Variants in EFCAB5 observed in about 807,000 individuals in gnomAD.
EFCAB5 encodes EF-hand calcium-binding domain-containing protein 5.
EFCAB5 carries 131 observed loss-of-function variants against 167.9 expected under a neutral mutation model. That is an observed-to-expected ratio of 0.78 (90% CI 0.68 to 0.90). The LOEUF is 0.90. EFCAB5 is among the 40% of genes least tolerant of loss of function. The probability of loss-of-function intolerance (pLI) is 0.00; values close to 1 mark genes in which losing one functional copy is unlikely to be tolerated. For synonymous variants in EFCAB5, 574 were observed against 602.8 expected, an observed-to-expected ratio of 0.95 and a Z score of 0.70; for missense variants, 1,663 against 1,745.2, an observed-to-expected ratio of 0.95 and a Z score of 0.84.
intron 18 of EFCAB5, among the ~76,000 whole-genome samples, chr17:30,083,516 G>A (rs1597549792): frequency 1.3e-5 from 2 of 152,198 alleles, no homozygotes; most frequent in Non-Finnish European, 2.9e-5. Context: ...GTGCAATAGC[G>A]CAATCTCAGC....
chr17:29,939,628 T>C (rs1202905883), upstream of EFCAB5, among the ~76,000 whole-genome samples: 2 of 152,228 alleles, frequency 1.3e-5, no homozygotes, highest in Non-Finnish European at 2.9e-5. Flanking sequence ...CACTTGCAGC[T>C]TCACCTTGCA....
intron 4 of EFCAB5, among the ~76,000 whole-genome samples, chr17:29,988,106 A>C (rs57833659): frequency 0.015 from 2,336 of 152,316 alleles, 63 homozygotes; most frequent in African/African-American, 0.052. Context: ...CCAAAGGCTC[A>C]ATTTAACATG....
intron 14 of EFCAB5, among the ~76,000 whole-genome samples, chr17:30,068,285 G>C (rs951212037): frequency 2.7e-5 from 4 of 150,780 alleles, no homozygotes; most frequent in Non-Finnish European, 5.9e-5. Context: ...CTGGGCAACA[G>C]AGTGAGACTC....
At chr17:30,080,378 G>A in intron 16 of EFCAB5, 137 bp downstream of exon 16, 1 of 879,768 alleles carries the variant, frequency 1.1e-6, no homozygotes, top group South Asian at 2.2e-5. Flanking sequence ...AGTAGAAGCT[G>A]ATGGCTTCCA....
intron 14 of EFCAB5, chr17:30,073,738 T>C (rs1302270039): frequency 5.7e-6 from 4 of 704,950 alleles, no homozygotes; most frequent in East Asian, 2.7e-5. Context: ...TTTTGACAAA[T>C]ACATGCCCTA....
chr17:30,051,785 C>T (rs2070105285), intron 9 of EFCAB5, among the ~76,000 whole-genome samples: 2 of 152,092 alleles, frequency 1.3e-5, no homozygotes, highest in African/African-American at 4.8e-5. Flanking sequence ...TCTCAAATGC[C>T]TGGGTGCTGG....
intron 3 of EFCAB5, among the ~76,000 whole-genome samples, chr17:29,947,790 C>T (rs544278691): frequency 2.0e-4 from 31 of 152,126 alleles, no homozygotes; most frequent in African/African-American, 5.3e-4. Context: ...TTACCTTAAT[C>T]GCTTGGGCCA....
chr17:30,035,190 G>T (rs995232299), intron 8 of EFCAB5, among the ~76,000 whole-genome samples: 4 of 152,084 alleles, frequency 2.6e-5, no homozygotes, highest in Non-Finnish European at 1.5e-5. Context: ...AATCCTTATT[G>T]AATATTGCTT....
intron 22 of EFCAB5, among the ~76,000 whole-genome samples, chr17:30,105,285 G>A (rs2071434290): frequency 6.6e-6 from 1 of 151,998 alleles, no homozygotes; most frequent in South Asian, 2.1e-4. Flanking sequence ...TCACGAGTTC[G>A]AGACCAGCCT....
At chr17:30,087,456 C>A (rs1389108973) in intron 19 of EFCAB5, among the ~76,000 whole-genome samples, 6 of 152,144 alleles carry the variant, frequency 3.9e-5, no homozygotes, top group Non-Finnish European at 1.5e-5. Context: ...TACCCTCGCC[C>A]CCTTGACAGG....
At chr17:30,042,190 A>G (rs762051606) in intron 8 of EFCAB5, among the ~76,000 whole-genome samples, 9 of 151,776 alleles carry the variant, frequency 5.9e-5, no homozygotes, top group African/African-American at 2.2e-4. Context: ...TGTATTTTTA[A>G]TAGAGACGGG....
chr17:30,095,294 C>T (rs543833203), intron 22 of EFCAB5, among the ~76,000 whole-genome samples: 42 of 152,214 alleles, frequency 2.8e-4, no homozygotes, highest in African/African-American at 1.0e-3. Flanking sequence ...GGAGTGCCCC[C>T]GGCCCTCCAC....
chr17:29,933,032 A>G (rs1467609842), intron 1 of EFCAB5, among the ~76,000 whole-genome samples: 2 of 152,196 alleles, frequency 1.3e-5, no homozygotes, highest in African/African-American at 4.8e-5. Flanking sequence ...AATTGAGAAA[A>G]TATTTATTGA....
intron 4 of EFCAB5, among the ~76,000 whole-genome samples, chr17:29,984,392 G>A (rs1221482775): frequency 6.6e-6 from 1 of 151,832 alleles, no homozygotes; most frequent in Non-Finnish European, 1.5e-5. Context: ...TGGTTGGTTA[G>A]CAATTGCATC....
chr17:29,945,118 T>G (rs2067372503), intron 3 of EFCAB5, among the ~76,000 whole-genome samples: 2 of 152,166 alleles, frequency 1.3e-5, no homozygotes, highest in Admixed American at 6.5e-5. Context: ...CTCCAAATAC[T>G]TAGTGAAATC....
At chr17:29,960,347 G>C (rs1410300392) in intron 3 of EFCAB5, among the ~76,000 whole-genome samples, 1 of 152,166 alleles carries the variant, frequency 6.6e-6, no homozygotes, top group Non-Finnish European at 1.5e-5. Flanking sequence ...TGTGGATAGT[G>C]GTTCAATGTG....
upstream of EFCAB5, among the ~76,000 whole-genome samples, chr17:29,938,996 C>T (rs1213621824): frequency 6.6e-6 from 1 of 152,074 alleles, no homozygotes; most frequent in African/African-American, 2.4e-5. Context: ...TTTACTTTGC[C>T]CAAATCCATC....
chr17:29,998,924 C>T (rs897979380), intron 6 of EFCAB5, among the ~76,000 whole-genome samples: 25 of 152,114 alleles, frequency 1.6e-4, no homozygotes, highest in African/African-American at 5.3e-4. Flanking sequence ...TTTGAACTAA[C>T]GGTCACATTC....
chr17:29,948,874 T>A (rs116989906), intron 3 of EFCAB5, among the ~76,000 whole-genome samples: 1,556 of 152,330 alleles, frequency 0.01, 10 homozygotes, highest in Non-Finnish European at 0.016. Context: ...TGCCTTTTCC[T>A]TTATCTATTG....
Sources: gnomAD v4.1 joint callset for allele counts (sites outside exome capture counted in the v4.1 genomes callset) on GRCh38, gnomAD v4.1.1 for gene constraint, MANE v1.5 for transcripts, NCBI Gene and HGNC (gene_info 2026-07-23, HGNC 2026-07-21) for gene names.